Variants in PDE11A observed in about 807,000 individuals in gnomAD.
PDE11A encodes the protein phosphodiesterase 11A, also known as dual 3',5'-cyclic-AMP and -GMP phosphodiesterase 11A.
A neutral mutation model predicts 100.5 loss-of-function variants in PDE11A; 100 were observed. The ratio of observed to expected loss-of-function variants is 1.00; its 90% CI spans 0.85 to 1.18. PDE11A has a LOEUF of 1.18. Ranked by LOEUF, PDE11A falls within the 50% of genes most tolerant of loss-of-function variation. The pLI is 0.00. For missense variants in PDE11A, 1,141 were observed against 1,152.6 expected, an observed-to-expected ratio of 0.99 and a Z score of 0.15; for synonymous variants, 381 against 420.8, an observed-to-expected ratio of 0.91 and a Z score of 1.16.
At chr2:178,001,767 G>T (rs13030747) in intron 2 of PDE11A, among the ~76,000 whole-genome samples, 100,504 of 151,996 alleles carry the variant, frequency 0.66, 35,116 homozygotes, top group South Asian at 0.78. Context: ...GTTAGGATTA[G>T]CTAAAATAAA....
chr2:178,021,925 C>CA (rs999939156), intron 1 of PDE11A, among the ~76,000 whole-genome samples: 1 of 152,118 alleles, frequency 6.6e-6, no homozygotes, highest in African/African-American at 2.4e-5. Flanking sequence ...TGGGAAGTGT[C>CA]AGACATGGGG....
intron 6 of PDE11A, among the ~76,000 whole-genome samples, chr2:177,824,067 A>G (rs1361099688): frequency 6.6e-6 from 1 of 152,102 alleles, no homozygotes; most frequent in African/African-American, 2.4e-5. Context: ...TTTACCCATC[A>G]CTTTTAAAGT....
intron 15 of PDE11A, among the ~76,000 whole-genome samples, chr2:177,684,489 C>A (rs771447470): frequency 6.6e-5 from 10 of 152,212 alleles, no homozygotes; most frequent in Admixed American, 1.3e-4. Flanking sequence ...TGTACTTGAA[C>A]CACTCACCTC....
At chr2:177,839,083 A>G (rs532063600) in intron 6 of PDE11A, among the ~76,000 whole-genome samples, 3 of 152,298 alleles carry the variant, frequency 2.0e-5, no homozygotes, top group Admixed American at 1.3e-4. Context: ...GGAGGTGGTA[A>G]GTTTGGGAAT....
At chr2:177,629,954 T>C (rs908495444) in intron 19 of PDE11A, among the ~76,000 whole-genome samples, 2 of 152,220 alleles carry the variant, frequency 1.3e-5, no homozygotes, top group African/African-American at 4.8e-5. Flanking sequence ...ACTATGCACT[T>C]AAATTTTTAC....
rs551223029 is a variant in PDE11A at position 178,046,404 on chromosome 2, A to T, written c.912+25122T>A. Among the ~76,000 whole-genome samples the T allele has an allele frequency of 6.6e-5, 10 of 152,380 alleles. No individual in the cohort carries two copies. The East Asian group carries it at 1.9e-3, about 29-fold the overall frequency. ...TATAATAAATCTTACAGTGTGAAAC[A>T]ATCATGGAGTAGATTGTCTAAGAAA... On this transcript the variant is annotated intron_variant, in intron 1 of 19. Transcript: ENST00000286063.
chr2:178,051,791 T>C (rs1336296089), intron 1 of PDE11A, among the ~76,000 whole-genome samples: 1 of 152,070 alleles, frequency 6.6e-6, no homozygotes, highest in African/African-American at 2.4e-5. Context: ...GGTAAAGGGA[T>C]CAATTCAACA....
intron 5 of PDE11A, among the ~76,000 whole-genome samples, chr2:177,862,033 A>G (rs540519792): frequency 6.6e-6 from 1 of 152,010 alleles, no homozygotes; most frequent in South Asian, 2.1e-4. Context: ...ATATAATACC[A>G]AAAGCACAAG....
intron 5 of PDE11A, among the ~76,000 whole-genome samples, chr2:177,851,695 A>G (rs532370115): frequency 2.0e-5 from 3 of 152,284 alleles, no homozygotes; most frequent in Non-Finnish European, 2.9e-5. Context: ...ATCCCAAACT[A>G]CATCCATACA....
intron 9 of PDE11A, among the ~76,000 whole-genome samples, 193 bp from the exon 10 acceptor site, chr2:177,769,566 G>A (rs541320740): frequency 1.7e-4 from 26 of 152,086 alleles, no homozygotes; most frequent in African/African-American, 5.8e-4. Context: ...ATTTTATACC[G>A]GGATTTTTCT....
At chr2:177,826,757 C>T (rs995160647) in intron 6 of PDE11A, among the ~76,000 whole-genome samples, 5 of 152,146 alleles carry the variant, frequency 3.3e-5, no homozygotes, top group African/African-American at 1.2e-4. Context: ...TCTTAGTAAT[C>T]CCCCTAACTT....
At chr2:177,736,606 C>T (rs1281648427) in intron 10 of PDE11A, among the ~76,000 whole-genome samples, 1 of 152,034 alleles carries the variant, frequency 6.6e-6, no homozygotes, top group Non-Finnish European at 1.5e-5. Flanking sequence ...GGGAAGGAGA[C>T]AGCCCCTGGG....
At chr2:178,098,959 C>T (rs2087528766) in intron 2 of PDE11A, among the ~76,000 whole-genome samples, 1 of 152,118 alleles carries the variant, frequency 6.6e-6, no homozygotes, top group South Asian at 2.1e-4. Flanking sequence ...GGTTTGTATC[C>T]TAGTTCCACC....
At chr2:177,812,484 T>C (rs1267977312) in intron 9 of PDE11A, among the ~76,000 whole-genome samples, 3 of 152,108 alleles carry the variant, frequency 2.0e-5, no homozygotes, top group East Asian at 3.8e-4. Flanking sequence ...GGTTTAGAAA[T>C]AGGTAGATCA....
At chr2:178,087,289 G>A (rs970203727) in intron 2 of PDE11A, among the ~76,000 whole-genome samples, 1 of 151,270 alleles carries the variant, frequency 6.6e-6, no homozygotes, top group Non-Finnish European at 1.5e-5. Flanking sequence ...GGAGGCAGAG[G>A]TTGCAGTGAG....
At chr2:177,727,059 C>T (rs2081610105) in intron 12 of PDE11A, among the ~76,000 whole-genome samples, 1 of 152,040 alleles carries the variant, frequency 6.6e-6, no homozygotes, top group East Asian at 1.9e-4. Context: ...AGATTAAATT[C>T]CAAGGCTTAT....
At chr2:178,105,818 C>G in intron 1 of PDE11A, 1 of 644,010 alleles carries the variant, frequency 1.6e-6, no homozygotes, top group Non-Finnish European at 2.2e-6. Context: ...CAACTGGGAC[C>G]TTGGCCAGAT....
At chr2:177,791,547 A>AAG (rs2082633210) in intron 9 of PDE11A, among the ~76,000 whole-genome samples, 1 of 151,864 alleles carries the variant, frequency 6.6e-6, no homozygotes, top group Admixed American at 6.6e-5. Flanking sequence ...AAAAAAAAAA[A>AAG]AAGAATAGTG....
chr2:178,025,428 C>T (rs992311277), intron 1 of PDE11A, among the ~76,000 whole-genome samples: 4 of 152,210 alleles, frequency 2.6e-5, no homozygotes, highest in African/African-American at 7.2e-5. Flanking sequence ...TTTTTAGTCA[C>T]GTTGCTAAAG....
Sources: allele counts gnomAD v4.1 joint callset (sites outside exome capture counted in the v4.1 genomes callset), GRCh38; gene constraint gnomAD v4.1.1; transcripts MANE v1.5; gene names NCBI Gene and HGNC (gene_info 2026-07-23, HGNC 2026-07-21).